Variants in PLXNA4 observed in about 807,000 individuals in gnomAD.
PLXNA4 encodes the protein plexin-A4.
A neutral mutation model predicts 191.8 loss-of-function variants in PLXNA4; 44 were observed. The ratio of observed to expected loss-of-function variants is 0.23; its 90% CI spans 0.18 to 0.29. The LOEUF is 0.29. Ranked by LOEUF, PLXNA4 falls within the 10% of genes least tolerant of loss-of-function variation. The pLI is 1.00. For synonymous variants in PLXNA4, 1,082 were observed against 1,009.5 expected, an observed-to-expected ratio of 1.07 and a Z score of -1.36; for missense variants, 1,800 against 2,488.8, an observed-to-expected ratio of 0.72 and a Z score of 5.89.
chr7:132,191,990 G>T (rs921286306), intron 14 of PLXNA4, among the ~76,000 whole-genome samples: 1 of 152,084 alleles, frequency 6.6e-6, no homozygotes, highest in Non-Finnish European at 1.5e-5. Flanking sequence ...TAAGGAAAAT[G>T]ACTCGTCCAT....
At chr7:132,171,773 T>C (rs1225758909) in intron 21 of PLXNA4, among the ~76,000 whole-genome samples, 3 of 152,184 alleles carry the variant, frequency 2.0e-5, no homozygotes, top group Non-Finnish European at 4.4e-5. Context: ...GAGACCACAG[T>C]GACTCGTAGG....
intron 1 of PLXNA4, among the ~76,000 whole-genome samples, chr7:132,526,094 T>C (rs764765462): frequency 1.3e-5 from 2 of 152,300 alleles, no homozygotes; most frequent in Non-Finnish European, 2.9e-5. Context: ...CCCTGTCAAG[T>C]AAATTGAGAA....
intron 3 of PLXNA4, among the ~76,000 whole-genome samples, chr7:132,316,817 A>G (rs1011975274): frequency 1.3e-5 from 2 of 152,198 alleles, no homozygotes; most frequent in African/African-American, 4.8e-5. Context: ...AAAGTACACA[A>G]TTTAGTCCCC....
chr7:132,218,122 C>A (rs1798026816), intron 9 of PLXNA4, among the ~76,000 whole-genome samples: 1 of 152,044 alleles, frequency 6.6e-6, no homozygotes, highest in Non-Finnish European at 1.5e-5. Flanking sequence ...GCACCAGGGG[C>A]AAGCGGCAGC....
chr7:132,403,627 G>A (rs1368676393), intron 3 of PLXNA4, among the ~76,000 whole-genome samples: 1 of 151,848 alleles, frequency 6.6e-6, no homozygotes, highest in Non-Finnish European at 1.5e-5. Flanking sequence ...TTCCCTTCCT[G>A]GCCTGGCTTT....
At chr7:132,223,398 T>G in intron 9 of PLXNA4, 129 bp downstream of exon 9, 1 of 758,018 alleles carries the variant, frequency 1.3e-6, no homozygotes, top group Non-Finnish European at 2.2e-6. Flanking sequence ...AGTGGACCCT[T>G]AAGAGCCAGG....
At chr7:132,575,939 C>T (rs1343288992) in intron 1 of PLXNA4, among the ~76,000 whole-genome samples, 1 of 152,152 alleles carries the variant, frequency 6.6e-6, no homozygotes, top group Non-Finnish European at 1.5e-5. Context: ...ATCTGTGGGT[C>T]TGTCTCCCGT....
At chr7:132,140,264 TTTTA>T (rs886166469) in intron 30 of PLXNA4, among the ~76,000 whole-genome samples, 14 of 152,230 alleles carry the variant, frequency 9.2e-5, no homozygotes, top group African/African-American at 3.4e-4. Flanking sequence ...TGATGACAGT[TTTTA>T]TTTATTTTTT....
At chr7:132,499,193 G>A (rs111529325) in intron 2 of PLXNA4, among the ~76,000 whole-genome samples, 1,687 of 152,314 alleles carry the variant, frequency 0.011, 37 homozygotes, top group African/African-American at 0.038. Context: ...AGAATCCTAG[G>A]GGTTGAACCC....
intron 12 of PLXNA4, among the ~76,000 whole-genome samples, chr7:132,199,311 C>A (rs1797358068): frequency 6.6e-6 from 1 of 152,298 alleles, no homozygotes; most frequent in East Asian, 1.9e-4. Context: ...AAACATCTTT[C>A]CGGAATTACT....
chr7:132,305,254 C>A (rs529890640), intron 3 of PLXNA4, among the ~76,000 whole-genome samples: 1 of 152,228 alleles, frequency 6.6e-6, no homozygotes, highest in African/African-American at 2.4e-5. Flanking sequence ...GGTGAGGCCA[C>A]ATGAGCACTT....
intron 25 of PLXNA4, among the ~76,000 whole-genome samples, chr7:132,156,369 C>A (rs1795799167): frequency 6.6e-6 from 1 of 152,086 alleles, no homozygotes; most frequent in Non-Finnish European, 1.5e-5. Context: ...TTAGGCAAAG[C>A]CAGGGGCCAC....
chr7:132,161,332 C>A (rs1253417801), intron 24 of PLXNA4, among the ~76,000 whole-genome samples: 12 of 152,224 alleles, frequency 7.9e-5, no homozygotes, highest in African/African-American at 2.9e-4. Context: ...CAGGAGTTGG[C>A]GTTCTAAAGT....
At chr7:132,499,318 AC>A (rs1295915192) in intron 2 of PLXNA4, among the ~76,000 whole-genome samples, 2 of 152,248 alleles carry the variant, frequency 1.3e-5, no homozygotes, top group African/African-American at 4.8e-5. Context: ...AGGCCAGCCT[AC>A]CAAGAGAATT....
chr7:132,142,985 A>G (rs1795314342), intron 29 of PLXNA4, among the ~76,000 whole-genome samples: 1 of 152,190 alleles, frequency 6.6e-6, no homozygotes, highest in Non-Finnish European at 1.5e-5. Flanking sequence ...TTCCCGCCTA[A>G]TGAAATATTA....
At chr7:132,290,753 A>G (rs144519366) in intron 4 of PLXNA4, among the ~76,000 whole-genome samples, 1,800 of 152,188 alleles carry the variant, frequency 0.012, 30 homozygotes, top group African/African-American at 0.042. Context: ...TCTGAAAGAG[A>G]CAGTTAAATC....
intron 2 of PLXNA4, among the ~76,000 whole-genome samples, chr7:132,504,935 G>C (rs1451941202): frequency 6.6e-6 from 1 of 152,218 alleles, no homozygotes; most frequent in African/African-American, 2.4e-5. Flanking sequence ...AACACGTGTG[G>C]TCTGAGCCGA....
At chr7:132,496,543 A>G (rs978202528) in intron 2 of PLXNA4, among the ~76,000 whole-genome samples, 2 of 152,146 alleles carry the variant, frequency 1.3e-5, no homozygotes, top group East Asian at 3.9e-4. Flanking sequence ...CTGGGATTAC[A>G]GGCACCTGCC....
At chr7:132,399,672 G>T (rs944148798) in intron 3 of PLXNA4, among the ~76,000 whole-genome samples, 3 of 152,202 alleles carry the variant, frequency 2.0e-5, no homozygotes, top group Non-Finnish European at 2.9e-5. Flanking sequence ...GGGCAGAGCT[G>T]CAGGGCCACA....
Sources: gnomAD v4.1 joint callset for allele counts (sites outside exome capture counted in the v4.1 genomes callset) on GRCh38, gnomAD v4.1.1 for gene constraint, MANE v1.5 for transcripts, NCBI Gene and HGNC (gene_info 2026-07-23, HGNC 2026-07-21) for gene names.